Variants in ARID1B observed in about 807,000 individuals in gnomAD.
The protein encoded by ARID1B is AT-rich interactive domain-containing protein 1B.
Under a neutral mutation model 212.3 loss-of-function variants are expected in ARID1B, and 30 were observed. That is an observed-to-expected ratio of 0.14 (90% CI 0.11 to 0.19). The LOEUF is 0.19. ARID1B is among the 10% of genes least tolerant of loss of function. ARID1B has a pLI of 1.00. For synonymous variants in ARID1B, 1,402 were observed against 1,301.7 expected (o/e 1.08, Z -1.66); for missense variants, 2,891 against 3,204.0 (o/e 0.90, Z 2.36).
intron 5 of ARID1B, among the ~76,000 whole-genome samples, chr6:157,109,116 T>A (rs918016143): frequency 6.6e-6 from 1 of 152,172 alleles, no homozygotes; most frequent in Non-Finnish European, 1.5e-5. Flanking sequence ...GGAGTGACCG[T>A]CCTGAGAGAT....
At chr6:157,139,233 G>C (rs75224230) in intron 7 of ARID1B, among the ~76,000 whole-genome samples, 1,584 of 152,238 alleles carry the variant, frequency 0.01, 20 homozygotes, top group African/African-American at 0.035. Flanking sequence ...CCGTGTGACC[G>C]AGCGCACCAC....
chr6:156,833,926 G>A (rs573247904), intron 2 of ARID1B, among the ~76,000 whole-genome samples: 38 of 152,272 alleles, frequency 2.5e-4, no homozygotes, highest in African/African-American at 9.1e-4. Flanking sequence ...TATTTTGGCA[G>A]CAGATGTTTC....
chr6:157,168,726 G>C (rs893497412), intron 9 of ARID1B: 4 of 152,236 alleles, frequency 2.6e-5, no homozygotes, highest in African/African-American at 9.6e-5. Flanking sequence ...TCACAGAGAG[G>C]GTTTCTTTCT....
chr6:157,009,761 G>A (rs1779458854), intron 4 of ARID1B, among the ~76,000 whole-genome samples: 1 of 152,200 alleles, frequency 6.6e-6, no homozygotes, highest in African/African-American at 2.4e-5. Context: ...ACATCTCTGT[G>A]CTATATAGTT....
At chr6:156,933,514 G>T (rs1791922483) in intron 3 of ARID1B, among the ~76,000 whole-genome samples, 1 of 152,308 alleles carries the variant, frequency 6.6e-6, no homozygotes, top group East Asian at 1.9e-4. Flanking sequence ...GAGGGGGAAG[G>T]TGGTGGGGAG....
intron 4 of ARID1B, among the ~76,000 whole-genome samples, chr6:157,021,711 G>A (rs1275833414): frequency 2.6e-5 from 4 of 152,024 alleles, no homozygotes; most frequent in African/African-American, 9.6e-5. Flanking sequence ...GCCGCCGCCT[G>A]CAGGCACCGT....
chr6:157,040,540 T>G (rs1202915256), intron 4 of ARID1B, among the ~76,000 whole-genome samples: 1 of 152,256 alleles, frequency 6.6e-6, no homozygotes, highest in Non-Finnish European at 1.5e-5. Context: ...TAAGCGAAAT[T>G]AAATTTACAA....
chr6:156,967,809 T>C (rs755651158), intron 4 of ARID1B, among the ~76,000 whole-genome samples: 63 of 152,216 alleles, frequency 4.1e-4, no homozygotes, highest in Admixed American at 9.8e-4. Flanking sequence ...ATGAACCTCC[T>C]TTTGGGGGTT....
chr6:156,832,082 A>G (rs1486494258), intron 2 of ARID1B, among the ~76,000 whole-genome samples: 1 of 152,248 alleles, frequency 6.6e-6, no homozygotes, highest in African/African-American at 2.4e-5. Context: ...ATTTTAAAGA[A>G]GACATACAGC....
chr6:157,044,877 T>A (rs1782126163), intron 4 of ARID1B, among the ~76,000 whole-genome samples: 2 of 152,218 alleles, frequency 1.3e-5, no homozygotes, highest in Non-Finnish European at 2.9e-5. Flanking sequence ...GAGGCGTCCA[T>A]CTTAACAATG....
chr6:157,087,832 G>C (rs1316119345), intron 5 of ARID1B, among the ~76,000 whole-genome samples: 1 of 151,038 alleles, frequency 6.6e-6, no homozygotes, highest in African/African-American at 2.4e-5. Context: ...CGTTCCTCTT[G>C]GAGTTTGAGC....
Position 157,207,627 on chromosome 6 carries a change from C to T in ARID1B, c.6855C>T (p.Phe2285=), listed in dbSNP as rs1794566230. The stretch of plus-strand genomic sequence containing the variant: ...GAAGCATTGGAAACTTGATAAGCTT[C>T]CTAGAGGATGGGGTCACGATGGCCC... ...QKGSIGNLIS[F]LEDGVTMAQY... The change falls in exon 20 of 20, where the codon TTC becomes TTT. Residue 2285 remains phenylalanine, a synonymous_variant. Coordinates refer to ENST00000636930, the MANE Select transcript of ARID1B (RefSeq NM_001374828.1). The surrounding 1 kb of genome is among the most constrained non-coding windows in gnomAD (Gnocchi z 8.5). 1.9e-6 allele frequency: 3 copies of T among 1,614,028 alleles called. No homozygotes were observed. Among genetic ancestry groups the T allele is most frequent in the Non-Finnish European group, 8.5e-7 (1 of 1,180,010 alleles).
At chr6:156,898,250 C>T (rs901076757) in intron 2 of ARID1B, among the ~76,000 whole-genome samples, 7 of 152,112 alleles carry the variant, frequency 4.6e-5, no homozygotes, top group African/African-American at 1.2e-4. Context: ...AAGAATGAAA[C>T]GACTTAAAAA....
At chr6:157,157,056 C>T (rs1790624369) in intron 8 of ARID1B, among the ~76,000 whole-genome samples, 1 of 152,156 alleles carries the variant, frequency 6.6e-6, no homozygotes, top group South Asian at 2.1e-4. Context: ...GTATCCTCCT[C>T]ATCCCCTGAA....
At chr6:156,787,056 C>A (rs938778995) in intron 1 of ARID1B, among the ~76,000 whole-genome samples, 1 of 149,782 alleles carries the variant, frequency 6.7e-6, no homozygotes, top group Non-Finnish European at 1.5e-5. Context: ...TGACTCTTTT[C>A]CATTTCTACC....
intron 19 of ARID1B, chr6:157,205,286 T>C (rs554858307): frequency 1.8e-4 from 27 of 152,372 alleles, no homozygotes; most frequent in Admixed American, 1.6e-3. Context: ...TATGAAGGTA[T>C]AGCTGATTTC....
intron 3 of ARID1B, among the ~76,000 whole-genome samples, chr6:156,919,292 T>C (rs530792275): frequency 1.3e-5 from 2 of 152,334 alleles, no homozygotes; most frequent in South Asian, 4.1e-4. Flanking sequence ...GTTTTTTTAA[T>C]ATGTTTTGAA....
intron 4 of ARID1B, among the ~76,000 whole-genome samples, chr6:156,946,711 G>A (rs1209440380): frequency 6.6e-6 from 1 of 152,068 alleles, no homozygotes; most frequent in Non-Finnish European, 1.5e-5. Context: ...AGGGAGGGAG[G>A]GAAGGAGGAT....
chr6:156,887,831 A>G (rs1156586262), intron 2 of ARID1B, among the ~76,000 whole-genome samples: 11 of 152,198 alleles, frequency 7.2e-5, no homozygotes, highest in Admixed American at 7.2e-4. Flanking sequence ...ATTTATATGC[A>G]TTTATCATGC....
Sources: gnomAD v4.1 joint callset for allele counts (sites outside exome capture counted in the v4.1 genomes callset) on GRCh38, gnomAD v4.1.1 for gene constraint, Gnocchi (gnomAD v3.1) non-coding constraint, MANE v1.5 for transcripts, NCBI Gene and HGNC (gene_info 2026-07-23, HGNC 2026-07-21) for gene names.